PRDM5: variants seen among roughly 807,000 people sequenced by gnomAD.
The protein encoded by PRDM5 is PR/SET domain 5.
A neutral mutation model predicts 81.2 loss-of-function variants in PRDM5; 56 were observed. That is an observed-to-expected ratio of 0.69 (90% confidence interval 0.56 to 0.86). PRDM5 has a LOEUF of 0.86. Among genes scored for constraint, PRDM5 ranks in the 40% least tolerant of loss-of-function variants. The probability of loss-of-function intolerance (pLI) is 0.00; values close to 1 mark genes in which losing one functional copy is unlikely to be tolerated. For synonymous variants in PRDM5, 267 were observed against 256.4 expected, an observed-to-expected ratio of 1.04 and a Z score of -0.39; for missense variants, 697 against 770.1, an observed-to-expected ratio of 0.91 and a Z score of 1.12.
chr4:120,913,786 T>A (rs1285850151), intron 1 of PRDM5, among the ~76,000 whole-genome samples: 1 of 152,148 alleles, frequency 6.6e-6, no homozygotes, highest in Non-Finnish European at 1.5e-5. Context: ...GGACAAGGAC[T>A]GAAAACCAGG....
intron 3 of PRDM5, among the ~76,000 whole-genome samples, chr4:120,827,239 A>T (rs1337523382): frequency 1.3e-5 from 2 of 152,190 alleles, no homozygotes; most frequent in Non-Finnish European, 2.9e-5. Flanking sequence ...TCATTTTGGT[A>T]ACATCATATA....
At chr4:120,740,472 A>G (rs1291376122) in intron 14 of PRDM5, among the ~76,000 whole-genome samples, 5 of 152,138 alleles carry the variant, frequency 3.3e-5, no homozygotes, top group African/African-American at 1.2e-4. Context: ...CTAAACCCAC[A>G]AGCTGCTCTT....
intron 3 of PRDM5, among the ~76,000 whole-genome samples, chr4:120,826,741 G>C (rs1756043480): frequency 6.6e-6 from 1 of 152,168 alleles, no homozygotes. Flanking sequence ...CTGTAGCAGT[G>C]AGTAGTGGAG....
chr4:120,748,430 G>C (rs1418368544), intron 14 of PRDM5, among the ~76,000 whole-genome samples: 1 of 152,076 alleles, frequency 6.6e-6, no homozygotes, highest in African/African-American at 2.4e-5. Flanking sequence ...GATCACCTAA[G>C]CCTAGGAGCT....
intron 1 of PRDM5, among the ~76,000 whole-genome samples, chr4:120,908,533 A>G (rs1040422391): frequency 2.0e-5 from 3 of 152,186 alleles, no homozygotes; most frequent in African/African-American, 7.2e-5. Flanking sequence ...AGAACACCCA[A>G]CTCCTGAGAA....
intron 2 of PRDM5, among the ~76,000 whole-genome samples, chr4:120,901,512 G>A (rs1418144562): frequency 6.6e-6 from 1 of 152,096 alleles, no homozygotes; most frequent in Non-Finnish European, 1.5e-5. Flanking sequence ...TGCAGGTGAC[G>A]CACACGGCTC....
chr4:120,853,166 C>T (rs570141889), intron 3 of PRDM5, among the ~76,000 whole-genome samples: 1 of 152,184 alleles, frequency 6.6e-6, no homozygotes, highest in African/African-American at 2.4e-5. Flanking sequence ...AAAGCGAGAT[C>T]TGCCAAGGAC....
intron 14 of PRDM5, among the ~76,000 whole-genome samples, chr4:120,725,982 C>T (rs1739344701): frequency 1.3e-5 from 2 of 152,098 alleles, no homozygotes; most frequent in African/African-American, 4.8e-5. Context: ...AAAGTACTGT[C>T]AAGACCTCTA....
chr4:120,837,346 C>A (rs935775158), intron 3 of PRDM5: 1 of 152,128 alleles, frequency 6.6e-6, no homozygotes, highest in Non-Finnish European at 1.5e-5. Context: ...TTTGTTTTTA[C>A]TTATTGACTG....
intron 3 of PRDM5, chr4:120,839,402 T>C (rs1757737615): frequency 4.5e-6 from 3 of 659,418 alleles, no homozygotes; most frequent in Non-Finnish European, 8.3e-6. Context: ...GGTATACCAA[T>C]GAGCATTCAG....
At chr4:120,867,492 T>C (rs1269763992) in intron 2 of PRDM5, among the ~76,000 whole-genome samples, 1 of 152,194 alleles carries the variant, frequency 6.6e-6, no homozygotes, top group Non-Finnish European at 1.5e-5. Flanking sequence ...CCAGTGTATA[T>C]AGAGACATCA....
chr4:120,756,973 G>C (rs756195417), intron 13 of PRDM5, among the ~76,000 whole-genome samples: 3 of 152,046 alleles, frequency 2.0e-5, no homozygotes, highest in Admixed American at 6.5e-5. Flanking sequence ...TTTACGTCTG[G>C]TTTTGTTCTC....
chr4:120,879,834 T>TA lies in PRDM5; in HGVS notation c.178-26295dup, dbSNP rs928176823. On this transcript the variant is annotated intron_variant, in intron 2 of 15. Coordinates refer to ENST00000264808, the MANE Select transcript of PRDM5 (RefSeq NM_018699.4). ...GAAAAGGCAAAACTATGGAGATAGTTAAAAAAAAAATCAATGACTGCTGGG... is the reference window on the plus strand; with the variant it reads ...GAAAAGGCAAAACTATGGAGATAGTTAAAAAAAAAAATCAATGACTGCTGGG... Among the ~76,000 whole-genome samples, 677 of 149,230 alleles carry TA rather than the reference T, an allele frequency of 4.5e-3. 6 individuals are homozygous for TA. Among genetic ancestry groups the TA allele is most frequent in the African/African-American group, 0.016 (648 of 40,690 alleles).
chr4:120,870,419 T>C (rs1250972949), intron 2 of PRDM5, among the ~76,000 whole-genome samples: 1 of 152,050 alleles, frequency 6.6e-6, no homozygotes, highest in Non-Finnish European at 1.5e-5. Flanking sequence ...AAGATCAACA[T>C]CTAGGACCTG....
intron 2 of PRDM5, among the ~76,000 whole-genome samples, chr4:120,861,903 C>T (rs985772224): frequency 7.9e-5 from 12 of 151,994 alleles, no homozygotes; most frequent in African/African-American, 2.7e-4. Context: ...TCATGTAATC[C>T]ACAGGGAGAA....
chr4:120,843,601 G>A (rs1758304716), intron 3 of PRDM5, among the ~76,000 whole-genome samples: 1 of 151,224 alleles, frequency 6.6e-6, no homozygotes, highest in South Asian at 2.1e-4. Context: ...CTACTTGGAA[G>A]GATCCCTTGA....
At chr4:120,711,337 C>T (rs1736944241) in intron 14 of PRDM5, among the ~76,000 whole-genome samples, 1 of 152,144 alleles carries the variant, frequency 6.6e-6, no homozygotes, top group Admixed American at 6.5e-5. Flanking sequence ...CTCCCTCTGT[C>T]ACCTAGGCTG....
At chr4:120,861,782 G>C (rs1002849246) in intron 2 of PRDM5, among the ~76,000 whole-genome samples, 3 of 150,288 alleles carry the variant, frequency 2.0e-5, no homozygotes, top group Non-Finnish European at 4.4e-5. Flanking sequence ...TAGGTGAAGA[G>C]CAAGACTCCG....
chr4:120,766,414 T>A (rs564037156), intron 13 of PRDM5, among the ~76,000 whole-genome samples: 1 of 152,350 alleles, frequency 6.6e-6, no homozygotes, highest in South Asian at 2.1e-4. Context: ...AAAGGTGGCA[T>A]TAAATAACAA....
Sources: allele counts gnomAD v4.1 joint callset (sites outside exome capture counted in the v4.1 genomes callset), GRCh38; gene constraint gnomAD v4.1.1; transcripts MANE v1.5; gene names NCBI Gene and HGNC (gene_info 2026-07-23, HGNC 2026-07-21).